BCL9: variants seen among roughly 807,000 people sequenced by gnomAD.
BCL9 encodes the protein BCL9 transcription coactivator.
BCL9 carries 25 observed loss-of-function variants against 88.5 expected under a neutral mutation model. The observed-to-expected ratio is 0.28, with a 90% CI of 0.21 to 0.39. The LOEUF (loss-of-function observed/expected upper bound fraction) is 0.39, where lower values mean the gene tolerates loss of function less well. BCL9 is among the 10% of genes least tolerant of loss of function. BCL9 has a pLI of 1.00. For synonymous variants in BCL9, 711 were observed against 673.3 expected (o/e 1.06, Z -0.87); for missense variants, 1,817 against 1,877.8 (o/e 0.97, Z 0.60).
At chr1:147,595,449 A>G (rs1169210336) in intron 1 of BCL9, among the ~76,000 whole-genome samples, 1 of 152,226 alleles carries the variant, frequency 6.6e-6, no homozygotes, top group African/African-American at 2.4e-5. Context: ...ATCAGGAAAA[A>G]CAAAATAGGT....
intron 5 of BCL9, among the ~76,000 whole-genome samples, chr1:147,613,587 T>A (rs1658122332): frequency 6.6e-6 from 1 of 152,200 alleles, no homozygotes; most frequent in African/African-American, 2.4e-5. Flanking sequence ...CCTTCTCTTC[T>A]CCATCAGAGC....
At chr1:147,611,481 G>A (rs587643943) in intron 3 of BCL9, 97 bp from the exon 4 acceptor site, 5 of 297,828 alleles carry the variant, frequency 1.7e-5, no homozygotes, top group Admixed American at 4.4e-5. Flanking sequence ...TAGCTGCTTC[G>A]CTGAGTTGGC....
chr1:147,612,727 G>A (rs1658075275), intron 4 of BCL9, among the ~76,000 whole-genome samples, 156 bp from the exon 5 acceptor site: 1 of 147,204 alleles, frequency 6.8e-6, no homozygotes, highest in Admixed American at 6.6e-5. Context: ...ATGGGATCAG[G>A]GGTGGCGGGA....
chr1:147,586,106 T>G (rs1286603407), intron 1 of BCL9, among the ~76,000 whole-genome samples: 3 of 152,146 alleles, frequency 2.0e-5, no homozygotes, highest in Non-Finnish European at 4.4e-5. Flanking sequence ...ATCACCTTCC[T>G]AAACTCACCT....
chr1:147,576,761 A>G (rs1656129781), intron 1 of BCL9, among the ~76,000 whole-genome samples: 1 of 152,136 alleles, frequency 6.6e-6, no homozygotes, highest in Non-Finnish European at 1.5e-5. Context: ...AACTTATGTG[A>G]GGAAACTTAC....
intron 1 of BCL9, among the ~76,000 whole-genome samples, chr1:147,599,313 A>G (rs1657214219): frequency 6.6e-6 from 1 of 152,230 alleles, no homozygotes; most frequent in Non-Finnish European, 1.5e-5. Flanking sequence ...GAGAAGGGAC[A>G]GGAAAGCGGG....
intron 1 of BCL9, among the ~76,000 whole-genome samples, chr1:147,586,995 T>G (rs10900382): frequency 0.36 from 54,394 of 150,434 alleles, 14,967 homozygotes; most frequent in African/African-American, 0.77. Flanking sequence ...ACATACCTCC[T>G]CCAGGAATGT....
chr1:147,596,047 C>T (rs1657033350), intron 1 of BCL9, among the ~76,000 whole-genome samples: 1 of 152,166 alleles, frequency 6.6e-6, no homozygotes, highest in African/African-American at 2.4e-5. Flanking sequence ...CTGAGTGTCA[C>T]TTCAAAGCTT....
chr1:147,613,541 C>G (rs74891485), intron 5 of BCL9, among the ~76,000 whole-genome samples: 4,096 of 152,222 alleles, frequency 0.027, 79 homozygotes, highest in Non-Finnish European at 0.043. Context: ...TTTGTCTGTG[C>G]CAGTGGCCCC....
At chr1:147,613,350 ATTTC>A in intron 5 of BCL9, 151 bp downstream of exon 5, 3 of 796,376 alleles carry the variant, frequency 3.8e-6, no homozygotes, top group Non-Finnish European at 5.9e-6. Flanking sequence ...TGATGGAACT[ATTTC>A]TTCTCATTTT....
intron 1 of BCL9, among the ~76,000 whole-genome samples, chr1:147,545,437 TGAG>T (rs1654521486): frequency 6.6e-6 from 1 of 152,080 alleles, no homozygotes; most frequent in South Asian, 2.1e-4. Flanking sequence ...AGTGGGGAGT[TGAG>T]GAGTGAGTAA....
At chr1:147,593,324 C>T (rs1042081844) in intron 1 of BCL9, among the ~76,000 whole-genome samples, 1 of 152,176 alleles carries the variant, frequency 6.6e-6, no homozygotes, top group South Asian at 2.1e-4. Flanking sequence ...TTATTGCCTT[C>T]TATCTTGCAT....
intron 1 of BCL9, among the ~76,000 whole-genome samples, chr1:147,566,972 A>C (rs1354737433): frequency 6.6e-6 from 1 of 152,140 alleles, no homozygotes; most frequent in Non-Finnish European, 1.5e-5. Context: ...GAAAAAAAGC[A>C]TTAAATTGGG....
chr1:147,554,211 A>G (rs1322839546), intron 1 of BCL9, among the ~76,000 whole-genome samples: 1 of 152,208 alleles, frequency 6.6e-6, no homozygotes, highest in African/African-American at 2.4e-5. Flanking sequence ...TGATGTTACG[A>G]TTCACCTTAA....
intron 1 of BCL9, among the ~76,000 whole-genome samples, chr1:147,602,288 C>G (rs1657436722): frequency 6.7e-6 from 1 of 150,014 alleles, no homozygotes; most frequent in Admixed American, 6.7e-5. Flanking sequence ...CTCACTGCAA[C>G]CTCCGCCTCC....
rs782029640 is a variant in BCL9 at position 147,619,956 on chromosome 1, G to A, written c.1801G>A (p.Asp601Asn). The change falls in exon 8 of 10, where the codon GAT becomes AAT. Residue 601 changes from aspartate (D) to asparagine (N), a missense_variant. Coordinates refer to ENST00000234739, the MANE Select transcript of BCL9 (RefSeq NM_004326.4). The surrounding 1 kb of genome is among the most constrained non-coding windows in gnomAD (Gnocchi z 4.1). The part of the protein sequence containing the change: ...SWPDDVPKIP[D>N]GRNFPPGQGI... ...GCCAGATGATGTGCCAAAAATCCCA[G>A]ATGGTCGAAATTTTCCTCCTGGCCA... is the stretch of plus-strand genomic sequence containing the variant. 1 of 1,614,208 alleles carries A rather than the reference G, an allele frequency of 6.2e-7. No individual in the cohort carries two copies. The highest frequency in any genetic ancestry group is 8.5e-7 in the Non-Finnish European group (1 of 1,180,042).
At chr1:147,583,361 T>A (rs1656452799) in intron 1 of BCL9, among the ~76,000 whole-genome samples, 2 of 152,184 alleles carry the variant, frequency 1.3e-5, no homozygotes, top group South Asian at 4.2e-4. Context: ...TATTGCAACC[T>A]CCACCTCCCA....
chr1:147,613,188 C>G lies in BCL9; in HGVS notation c.359C>G (p.Ser120Cys), dbSNP rs1553203031. ...GATCCTGGGACTCCAAACGATGACT[C>G]TGACATTAAAGGTATGTCTATAAGA... ...QRDPGTPNDD[S>C]DIKECNSADH... Residue 120 changes from serine to cysteine, a missense_variant, in exon 5 of 10, where the codon TCT becomes TGT. Ser to Cys is a moderately radical substitution (Grantham distance 112). Coordinates refer to ENST00000234739, the MANE Select transcript of BCL9 (RefSeq NM_004326.4). 4 of 1,614,194 alleles carry G rather than the reference C, an allele frequency of 2.5e-6. 1 individual carries two copies. Among genetic ancestry groups the G allele is most frequent in the Middle Eastern group, 3.3e-4 (2 of 6,062 alleles).
At chr1:147,573,573 T>TGA (rs1375002684) in intron 1 of BCL9, among the ~76,000 whole-genome samples, 3 of 152,220 alleles carry the variant, frequency 2.0e-5, no homozygotes, top group East Asian at 3.9e-4. Context: ...GGCTCCGGAG[T>TGA]GAGACCGGGG....
Sources: gnomAD v4.1 joint callset for allele counts (sites outside exome capture counted in the v4.1 genomes callset) on GRCh38, gnomAD v4.1.1 for gene constraint, Gnocchi (gnomAD v3.1) non-coding constraint, MANE v1.5 for transcripts, NCBI Gene and HGNC (gene_info 2026-07-23, HGNC 2026-07-21) for gene names.